Variants in CFAP161 observed in about 807,000 individuals in gnomAD.
The protein encoded by CFAP161 is cilia- and flagella-associated protein 161.
In CFAP161, 25 loss-of-function variants were observed where a neutral mutation model predicts 29.0. That is an observed-to-expected ratio of 0.86 (90% CI 0.63 to 1.20). The LOEUF (loss-of-function observed/expected upper bound fraction) is 1.20. Among genes scored for constraint, CFAP161 ranks in the 50% most tolerant of loss-of-function variants. The pLI is 0.00. For missense variants in CFAP161, 367 were observed against 371.9 expected, an observed-to-expected ratio of 0.99 and a Z score of 0.11; for synonymous variants, 116 against 137.4, an observed-to-expected ratio of 0.84 and a Z score of 1.09.
intron 5 of CFAP161, among the ~76,000 whole-genome samples, chr15:81,147,182 T>C (rs552655532): frequency 1.3e-5 from 2 of 152,068 alleles, no homozygotes; most frequent in Admixed American, 6.5e-5. Flanking sequence ...ACATGTAAAA[T>C]GTGTATTTGG....
chr15:81,144,126 C>T (rs1396708111), intron 5 of CFAP161, among the ~76,000 whole-genome samples: 1 of 152,212 alleles, frequency 6.6e-6, no homozygotes, highest in Non-Finnish European at 1.5e-5. Context: ...TGGCAGCATC[C>T]TGCACTAGAG....
intron 4 of CFAP161, among the ~76,000 whole-genome samples, chr15:81,138,965 T>C (rs938314013): frequency 6.6e-6 from 1 of 152,192 alleles, no homozygotes; most frequent in Non-Finnish European, 1.5e-5. Flanking sequence ...TACTATATGA[T>C]GTAGCGTTAT....
At chr15:81,104,411 G>A (rs549081226) in intron 1 of CFAP161, among the ~76,000 whole-genome samples, 92 of 152,306 alleles carry the variant, frequency 6.0e-4, no homozygotes, top group African/African-American at 2.0e-3. Flanking sequence ...TACCCAGGTC[G>A]TCTGAACTGA....
At chr15:81,138,838 T>G (rs1049482020) in intron 4 of CFAP161, among the ~76,000 whole-genome samples, 4 of 152,170 alleles carry the variant, frequency 2.6e-5, no homozygotes, top group Non-Finnish European at 5.9e-5. Context: ...TACCTTTAAT[T>G]TACTGATGGA....
chr15:81,133,175 GCA>G (rs1894734797), upstream of CFAP161, among the ~76,000 whole-genome samples: 1 of 92,184 alleles, frequency 1.1e-5, no homozygotes, highest in Non-Finnish European at 2.1e-5. Flanking sequence ...CCCTTCATCA[GCA>G]TATATATATA....
intron 5 of CFAP161, among the ~76,000 whole-genome samples, 155 bp downstream of exon 5, chr15:81,143,975 C>T (rs374424671): frequency 6.6e-6 from 1 of 152,258 alleles, no homozygotes; most frequent in East Asian, 1.9e-4. Flanking sequence ...AGACTTATAG[C>T]TCAAATGCCT....
At chr15:81,120,897 T>TAAA (rs1894564051) in intron 1 of CFAP161, among the ~76,000 whole-genome samples, 1 of 152,230 alleles carries the variant, frequency 6.6e-6, no homozygotes, top group Non-Finnish European at 1.5e-5. Context: ...ATAGAAACTG[T>TAAA]CTGTAGTTTA....
chr15:81,113,649 G>A (rs1355202040), intron 1 of CFAP161, among the ~76,000 whole-genome samples: 1 of 152,232 alleles, frequency 6.6e-6, no homozygotes, highest in Non-Finnish European at 1.5e-5. Flanking sequence ...TGGAAGAGAT[G>A]CATAGGGTAA....
chr15:81,105,117 CCCCATACCTTT>C (rs1291793220), intron 1 of CFAP161, among the ~76,000 whole-genome samples: 6 of 50,380 alleles, frequency 1.2e-4, no homozygotes, highest in African/African-American at 4.4e-4. Flanking sequence ...TTCCTTTCTC[CCCCATACCTTT>C]CTCCCCCCTC....
chr15:81,139,216 G>T (rs1178546873), intron 4 of CFAP161, among the ~76,000 whole-genome samples: 8 of 152,054 alleles, frequency 5.3e-5, no homozygotes, highest in Non-Finnish European at 7.4e-5. Context: ...GAGGTGGGAG[G>T]ATTGCTTAAG....
At chr15:81,107,673 C>T (rs566403591) in intron 1 of CFAP161, among the ~76,000 whole-genome samples, 13 of 152,122 alleles carry the variant, frequency 8.5e-5, no homozygotes, top group Admixed American at 5.9e-4. Context: ...TGTGGCGAGC[C>T]GAGATCATGC....
chr15:81,137,259 C>T (rs1297747739), intron 3 of CFAP161, among the ~76,000 whole-genome samples: 1 of 152,126 alleles, frequency 6.6e-6, no homozygotes, highest in Non-Finnish European at 1.5e-5. Context: ...CAATTAAAAA[C>T]TATTACTAAT....
chr15:81,134,262 G>A, upstream of CFAP161: 3 of 1,539,400 alleles, frequency 1.9e-6, no homozygotes, highest in African/African-American at 1.4e-5. Context: ...GGGCCGGGTC[G>A]TCATGGCGAC....
intron 4 of CFAP161, among the ~76,000 whole-genome samples, chr15:81,143,155 A>T (rs550972895): frequency 6.6e-6 from 1 of 151,484 alleles, no homozygotes; most frequent in South Asian, 2.1e-4. Flanking sequence ...TACAACAAAT[A>T]AAAAAAAATC....
chr15:81,139,197 C>T (rs1022917129), intron 4 of CFAP161, among the ~76,000 whole-genome samples: 5 of 151,954 alleles, frequency 3.3e-5, no homozygotes, highest in Non-Finnish European at 1.5e-5. Context: ...CCCACATACT[C>T]ATGAGGCTGA....
At chr15:81,148,000 C>T in intron 6 of CFAP161, 69 bp downstream of exon 6, 1 of 1,277,932 alleles carries the variant, frequency 7.8e-7, no homozygotes, top group Non-Finnish European at 1.1e-6. Context: ...AGCAAAGAAG[C>T]TCAATTGATA....
chr15:81,106,014 C>T (rs1454460501), intron 1 of CFAP161, among the ~76,000 whole-genome samples: 1 of 152,150 alleles, frequency 6.6e-6, no homozygotes, highest in Non-Finnish European at 1.5e-5. Flanking sequence ...GTCCAAGTTG[C>T]TCATTGCTAA....
upstream of CFAP161, among the ~76,000 whole-genome samples, chr15:81,130,153 T>G (rs971193104): frequency 3.3e-5 from 5 of 152,262 alleles, no homozygotes; most frequent in Admixed American, 3.3e-4. Context: ...AGCCTTGTTC[T>G]GGATTAGGCT....
intron 1 of CFAP161, among the ~76,000 whole-genome samples, chr15:81,114,922 CA>C (rs2141865125): frequency 6.6e-6 from 1 of 152,218 alleles, no homozygotes; most frequent in South Asian, 2.1e-4. Flanking sequence ...CTCGGCCTCC[CA>C]AAGTCCTAGG....
Sources: gnomAD v4.1 joint callset for allele counts (sites outside exome capture counted in the v4.1 genomes callset) on GRCh38, gnomAD v4.1.1 for gene constraint, MANE v1.5 for transcripts, NCBI Gene and HGNC (gene_info 2026-07-23, HGNC 2026-07-21) for gene names.